The following EYA1 variants were observed in gnomAD, a reference collection of about 807,000 sequenced individuals.
EYA1 encodes the protein EYA transcriptional coactivator and phosphatase 1.
A neutral mutation model predicts 82.0 loss-of-function variants in EYA1; 16 were observed. The observed-to-expected ratio is 0.20, with a 90% confidence interval of 0.13 to 0.30. The LOEUF (loss-of-function observed/expected upper bound fraction) is 0.30, where lower values mean the gene tolerates loss of function less well. Among genes scored for constraint, EYA1 ranks in the 10% least tolerant of loss-of-function variants. The pLI is 1.00. For synonymous variants in EYA1, 261 were observed against 264.4 expected (o/e 0.99, Z 0.12); for missense variants, 633 against 730.7 (o/e 0.87, Z 1.54).
chr8:71,520,518 C>G (rs907773246), intron 2 of EYA1, among the ~76,000 whole-genome samples: 1 of 152,216 alleles, frequency 6.6e-6, no homozygotes, highest in Non-Finnish European at 1.5e-5. Context: ...ACTGCATTCT[C>G]ACAGCTGCTT....
At chr8:71,495,484 T>C (rs1447325147) in intron 2 of EYA1, among the ~76,000 whole-genome samples, 2 of 152,008 alleles carry the variant, frequency 1.3e-5, no homozygotes, top group African/African-American at 4.8e-5. Flanking sequence ...CCTGGTGGCG[T>C]GCCTGTAATC....
intron 6 of EYA1, among the ~76,000 whole-genome samples, chr8:71,318,404 A>G (rs556261772): frequency 1.3e-5 from 2 of 152,214 alleles, no homozygotes; most frequent in South Asian, 4.1e-4. Flanking sequence ...ATATTTGACT[A>G]TAATTGTTTT....
chr8:71,270,872 C>T (rs1816441445), intron 10 of EYA1, among the ~76,000 whole-genome samples: 1 of 152,058 alleles, frequency 6.6e-6, no homozygotes, highest in African/African-American at 2.4e-5. Flanking sequence ...TGTAATCCAG[C>T]ACTTTGGGAG....
At chr8:71,434,233 T>C (rs1295486960) in intron 2 of EYA1, among the ~76,000 whole-genome samples, 2 of 152,214 alleles carry the variant, frequency 1.3e-5, no homozygotes, top group Non-Finnish European at 2.9e-5. Flanking sequence ...TAGTTGCAAG[T>C]TGAAATGTTG....
At chr8:71,318,381 C>T (rs1039965867) in intron 6 of EYA1, among the ~76,000 whole-genome samples, 3 of 152,162 alleles carry the variant, frequency 2.0e-5, no homozygotes, top group African/African-American at 7.2e-5. Context: ...CCTTTTGTCC[C>T]TGTTAGTGTG....
intron 17 of EYA1, among the ~76,000 whole-genome samples, chr8:71,205,948 T>C (rs376305713): frequency 6.6e-6 from 1 of 152,320 alleles, no homozygotes; most frequent in African/African-American, 2.4e-5. Context: ...AACATTTTAG[T>C]GCTCAAATGT....
intron 6 of EYA1, among the ~76,000 whole-genome samples, chr8:71,320,249 T>C (rs1822388632): frequency 6.6e-6 from 1 of 151,908 alleles, no homozygotes; most frequent in Non-Finnish European, 1.5e-5. Flanking sequence ...AGAAGAAAGA[T>C]GTGTGGCTGG....
At chr8:71,356,724 AG>A (rs796087672) in intron 1 of EYA1, 28 of 1,230,288 alleles carry the variant, frequency 2.3e-5, no homozygotes, top group East Asian at 9.9e-5. Context: ...TCCCCTTGTC[AG>A]GGGGGGAAGG....
chr8:71,451,126 G>T (rs527824170), intron 2 of EYA1, among the ~76,000 whole-genome samples: 48 of 152,274 alleles, frequency 3.2e-4, no homozygotes, highest in African/African-American at 1.1e-3. Context: ...ATGCTGATGG[G>T]AATATAAACT....
chr8:71,329,494 A>C (rs895144435), intron 4 of EYA1, among the ~76,000 whole-genome samples: 3 of 151,998 alleles, frequency 2.0e-5, no homozygotes, highest in Admixed American at 6.6e-5. Flanking sequence ...CTTCAGCTCT[A>C]CTGTCCATCC....
chr8:71,294,751 A>G (rs1046742734), intron 9 of EYA1, among the ~76,000 whole-genome samples: 4 of 152,204 alleles, frequency 2.6e-5, no homozygotes, highest in African/African-American at 7.2e-5. Context: ...TAAAGATTAT[A>G]TGGAGAGATA....
chr8:71,537,687 C>A (rs562038304), intron 1 of EYA1, among the ~76,000 whole-genome samples: 38 of 152,258 alleles, frequency 2.5e-4, no homozygotes, highest in Non-Finnish European at 4.4e-4. Flanking sequence ...CCCATAAATT[C>A]CCATCCTTTC....
intron 3 of EYA1, among the ~76,000 whole-genome samples, chr8:71,336,516 C>T (rs373291654): frequency 2.6e-5 from 4 of 152,332 alleles, no homozygotes; most frequent in African/African-American, 9.6e-5. Context: ...CTTGACTACA[C>T]CAAAACCACT....
intron 7 of EYA1, 59 bp from the exon 8 acceptor site, chr8:71,299,779 G>A: frequency 1.1e-6 from 1 of 899,004 alleles, no homozygotes; most frequent in Non-Finnish European, 1.9e-6. Context: ...TGTGGGTACA[G>A]GAAAATAGCA....
At chr8:71,413,177 A>G (rs1455088680) in intron 2 of EYA1, among the ~76,000 whole-genome samples, 1 of 152,226 alleles carries the variant, frequency 6.6e-6, no homozygotes, top group Non-Finnish European at 1.5e-5. Flanking sequence ...AAGTCCAGAA[A>G]GATTATCTTT....
intron 7 of EYA1, among the ~76,000 whole-genome samples, chr8:71,313,336 C>A (rs1052208810): frequency 2.6e-5 from 4 of 151,952 alleles, no homozygotes; most frequent in Non-Finnish European, 5.9e-5. Flanking sequence ...TCTTTCATGT[C>A]TAAAATATAT....
chr8:71,331,489 T>TTTTA (rs1554554558), intron 4 of EYA1, among the ~76,000 whole-genome samples: 1 of 146,846 alleles, frequency 6.8e-6, no homozygotes, highest in African/African-American at 2.5e-5. Flanking sequence ...TATAAATGTT[T>TTTTA]TATATATATA....
intron 1 of EYA1, among the ~76,000 whole-genome samples, chr8:71,540,231 GA>G (rs1363655488): frequency 4.0e-5 from 6 of 151,760 alleles, no homozygotes; most frequent in Non-Finnish European, 8.8e-5. Context: ...CCTTAGAAAA[GA>G]AAAAAAATAT....
chr8:71,309,662 T>C, intron 7 of EYA1, among the ~76,000 whole-genome samples: 1 of 152,342 alleles, frequency 6.6e-6, no homozygotes, highest in East Asian at 1.9e-4. Context: ...AGGTTATAAA[T>C]GACTAATAAA....
Sources: allele counts gnomAD v4.1 joint callset (sites outside exome capture counted in the v4.1 genomes callset), GRCh38; gene constraint gnomAD v4.1.1; transcripts MANE v1.5; gene names NCBI Gene and HGNC (gene_info 2026-07-23, HGNC 2026-07-21).